ELP1: variants seen among roughly 807,000 people sequenced by gnomAD.
The protein encoded by ELP1 is elongator acetyltransferase complex subunit 1.
In ELP1, 131 loss-of-function variants were observed where a neutral mutation model predicts 183.2. That is an observed-to-expected ratio of 0.72 (90% CI 0.62 to 0.83). ELP1 has a LOEUF of 0.83. Among genes scored for constraint, ELP1 ranks in the 40% least tolerant of loss-of-function variants. ELP1 has a pLI of 0.00. For synonymous variants in ELP1, 555 were observed against 569.0 expected (o/e 0.98, Z 0.35); for missense variants, 1,550 against 1,594.9 (o/e 0.97, Z 0.48).
In ELP1 at chr9:108,879,550, C is replaced by G; in HGVS notation, c.3468G>C (p.Glu1156Asp). 1 of 1,612,492 alleles carries G rather than the reference C, an allele frequency of 6.2e-7. No homozygotes were observed. The highest frequency in any genetic ancestry group is 8.5e-7 in the Non-Finnish European group (1 of 1,178,590). Residue 1156 changes from glutamate (E) to aspartate (D), a missense_variant, in exon 33 of 37, where the codon GAG becomes GAC. Physicochemically the swap from Glu to Asp is conservative, Grantham distance 45. Coordinates refer to ENST00000374647, the MANE Select transcript of ELP1 (RefSeq NM_003640.5). ...EQAQQAGLDD[E>D]VPHGQESDLF... ...GGTCTGACTCTTGCCCGTGGGGTAC[C>G]TCATCATCTAGAAAAGAAGAACCAG...
intron 12 of ELP1, among the ~76,000 whole-genome samples, chr9:108,908,655 C>T (rs56391835): frequency 8.1e-4 from 124 of 152,336 alleles, no homozygotes; most frequent in Non-Finnish European, 1.6e-3. Context: ...TGGACAATTT[C>T]CTCCACTGTC....
At chr9:108,901,584 C>A (rs752388537) in intron 17 of ELP1, 44 bp downstream of exon 17, 2 of 1,612,096 alleles carry the variant, frequency 1.2e-6, no homozygotes, top group Non-Finnish European at 1.7e-6. Flanking sequence ...TTACTCGGAG[C>A]TAACACTGTG....
rs117543396 is a variant in ELP1, at chr9:108,901,353, T to C, written c.2014+72A>G. ...ATAAAAAGCCAAAATAAATGAAGAA[T>C]TCAAAAAGTCATCAAGACTCCAAAA... On this transcript the variant is annotated intron_variant, in intron 18 of 36. Coordinates refer to ENST00000374647, the MANE Select transcript of ELP1 (RefSeq NM_003640.5). The C allele has an allele frequency of 5.6e-4, 610 of 1,097,858 alleles. 6 individuals carry two copies. In the East Asian group the frequency reaches 0.011, roughly 21 times the overall value. The allele number at this position is 1,097,858 out of a possible 1,614,324, so 68.0% of individuals were successfully genotyped here. A position where few individuals can be genotyped will look rare whatever the true frequency, so the allele number is the denominator to read the frequency against.
intron 4 of ELP1, 112 bp from the exon 5 acceptor site, chr9:108,926,715 C>G (rs1243143970): frequency 1.3e-6 from 1 of 759,730 alleles, no homozygotes; most frequent in African/African-American, 1.7e-5. Context: ...ACAGAGCAGA[C>G]AGAATTCATC....
rs1828647077 is a variant in ELP1 at position 108,898,593 on chromosome 9, A to G, written c.2284-12T>C. The G allele has an allele frequency of 1.9e-6, 3 of 1,605,662 alleles. No individual in the cohort carries two copies. Among genetic ancestry groups the G allele is most frequent in the Middle Eastern group, 1.7e-4 (1 of 5,858 alleles). ...TTTCCAAGAAACACCTACCAAAAAAAGGACAAAACATCTTCGTTCAGATCA... is the reference window on the plus strand; with the variant it reads ...TTTCCAAGAAACACCTACCAAAAAAGGGACAAAACATCTTCGTTCAGATCA... On this transcript the variant is annotated splice_polypyrimidine_tract_variant and intron_variant, in intron 21 of 36. Transcript: ENST00000374647.
intron 28 of ELP1, among the ~76,000 whole-genome samples, chr9:108,890,669 GC>G (rs1828289425): frequency 6.6e-6 from 1 of 152,106 alleles, no homozygotes; most frequent in Non-Finnish European, 1.5e-5. Flanking sequence ...TCGACATTTG[GC>G]CTTTTATTTT....
rs1828552741 is a variant in ELP1, at chr9:108,896,525, C to T, written c.2707G>A (p.Val903Ile). The change falls in exon 25 of 37, where the codon GTC (valine) becomes ATC (isoleucine). Residue 903 changes from valine (V) to isoleucine (I), a missense_variant. Coordinates refer to ENST00000374647, the MANE Select transcript of ELP1 (RefSeq NM_003640.5). Reference protein sequence around the residue: ...HSLGTYDFDLVLMVAEKSQKD... With the variant: ...HSLGTYDFDLILMVAEKSQKD... ...TGTGACTTCTCAGCTACCATGAGGA[C>T]CAAATCAAAGTCATAGGTGCCAAGA... 1 of 1,613,976 alleles carries T rather than the reference C, an allele frequency of 6.2e-7. No homozygotes were observed.
intron 6 of ELP1, 141 bp downstream of exon 6, chr9:108,922,701 C>T: frequency 1.4e-6 from 1 of 728,608 alleles, no homozygotes. Flanking sequence ...GGATTCATTT[C>T]CTGAAGGTTC....
Position 108,869,051 on chromosome 9 carries a change from T to C in ELP1, c.*64A>G. ...TAGCCAGCCCTCAAAGAGCAAGGGG[T>C]GGTAGGACAACAGGAATGAGTGGAA... On this transcript the variant is annotated 3_prime_UTR_variant, in exon 37 of 37. Transcript: ENST00000374647. The C allele has an allele frequency of 1.4e-6, 2 of 1,387,354 alleles. No individual in the cohort carries two copies. Among genetic ancestry groups the C allele is most frequent in the Non-Finnish European group, 2.1e-6 (2 of 973,020 alleles). The allele number at this position is 1,387,354 out of a possible 1,614,324, so 85.9% of individuals were successfully genotyped here.
rs751049765 is a variant in ELP1 at position 108,929,764 on chromosome 9, C to G, written c.303+5G>C. 2.7e-5 allele frequency: 44 copies of G among 1,613,964 alleles called. No individual in the cohort carries two copies. The highest frequency in any genetic ancestry group is 3.2e-5 in the Non-Finnish European group (38 of 1,180,018). ...ACTCCCCCCTCACTGGAGTCTTCCA[C>G]TTACCTGTTGTGTGCTGAGACTGCA... is the stretch of plus-strand genomic sequence containing the variant. On this transcript the variant is annotated splice_donor_5th_base_variant and intron_variant, in intron 3 of 36. Transcript: ENST00000374647.
intron 18 of ELP1, among the ~76,000 whole-genome samples, chr9:108,900,895 C>T (rs1828772933): frequency 2.8e-5 from 1 of 36,208 alleles, no homozygotes. Flanking sequence ...ATACACGCCA[C>T]ACACACATAC....
At position 108,929,772 on chromosome 9, in the gene ELP1, T is replaced by C; in HGVS notation, c.300A>G (p.Gln100=). 6.2e-7 allele frequency: 1 copy of C among 1,614,070 alleles called. No individual in the cohort carries two copies. The highest frequency in any genetic ancestry group is 1.3e-5 in the African/African-American group (1 of 75,052). Residue 100 remains glutamine (Q), a synonymous_variant, in exon 3 of 37, where the codon CAA becomes CAG. Transcript: ENST00000374647. ...CTCACTGGAGTCTTCCACTTACCTG[T>C]TGTGTGCTGAGACTGCAGAGTATGA... ...GDVILCSLST[Q]QLECVGSVAS...
intron 3 of ELP1, among the ~76,000 whole-genome samples, chr9:108,929,496 T>G (rs2132049345): frequency 6.6e-6 from 1 of 152,326 alleles, no homozygotes; most frequent in Admixed American, 6.5e-5. Context: ...CACATAAGAA[T>G]AGCCAGTTTT....
At chr9:108,930,424 T>C (rs1829962589) in intron 2 of ELP1, among the ~76,000 whole-genome samples, 2 of 152,184 alleles carry the variant, frequency 1.3e-5, no homozygotes, top group Non-Finnish European at 1.5e-5. Context: ...TTCGTGTTCA[T>C]TCCCAATTAA....
At chr9:108,917,486 T>G in intron 9 of ELP1, 61 bp downstream of exon 9, 1 of 1,357,978 alleles carries the variant, frequency 7.4e-7, no homozygotes, top group Non-Finnish European at 1.0e-6. Context: ...AAAAAAAAAA[T>G]TCCCTCTATA....
At chr9:108,907,242 G>A (rs536713393) in intron 13 of ELP1, among the ~76,000 whole-genome samples, 3 of 152,018 alleles carry the variant, frequency 2.0e-5, no homozygotes, top group Non-Finnish European at 4.4e-5. Flanking sequence ...CCAAGATCAC[G>A]ATGAGTACTC....
intron 36 of ELP1, 120 bp from the exon 37 acceptor site, chr9:108,869,302 G>A (rs1382184251): frequency 5.9e-6 from 5 of 852,096 alleles, no homozygotes; most frequent in South Asian, 1.4e-5. Flanking sequence ...GACCATCAGA[G>A]CCAGAGTTCA....
chr9:108,930,496 C>T (rs1829965123), intron 2 of ELP1, among the ~76,000 whole-genome samples: 1 of 152,082 alleles, frequency 6.6e-6, no homozygotes. Context: ...CAAGACCATC[C>T]TGGCTAACAC....
intron 27 of ELP1, 43 bp from the exon 28 acceptor site, chr9:108,891,447 A>G: frequency 2.6e-6 from 4 of 1,562,598 alleles, no homozygotes; most frequent in Non-Finnish European, 3.5e-6. Context: ...AAATATGACA[A>G]TCATTTCTCT....
Sources: allele counts gnomAD v4.1 joint callset (sites outside exome capture counted in the v4.1 genomes callset), GRCh38; gene constraint gnomAD v4.1.1; transcripts MANE v1.5; gene names NCBI Gene and HGNC (gene_info 2026-07-23, HGNC 2026-07-21).